The following PRR5L variants were observed in gnomAD, a reference collection of about 807,000 sequenced individuals.
PRR5L encodes the protein proline rich 5 like.
A neutral mutation model predicts 36.4 loss-of-function variants in PRR5L; 21 were observed. The observed-to-expected ratio is 0.58, with a 90% CI of 0.41 to 0.83. PRR5L has a LOEUF of 0.83. Among genes scored for constraint, PRR5L ranks in the 40% least tolerant of loss-of-function variants. The pLI is 0.00. For synonymous variants in PRR5L, 188 were observed against 197.0 expected (o/e 0.95, Z 0.38); for missense variants, 381 against 473.3 (o/e 0.80, Z 1.81).
At chr11:36,457,774 TC>T (rs1859094978) in intron 8 of PRR5L, among the ~76,000 whole-genome samples, 1 of 152,136 alleles carries the variant, frequency 6.6e-6, no homozygotes, top group South Asian at 2.1e-4. Flanking sequence ...AAGCAAATGC[TC>T]CCTAAACAGG....
At chr11:36,442,355 T>TA (rs1323457984) in intron 6 of PRR5L, among the ~76,000 whole-genome samples, 1 of 151,774 alleles carries the variant, frequency 6.6e-6, no homozygotes, top group Admixed American at 6.6e-5. Flanking sequence ...ATTTTTTTTT[T>TA]TTTCGAGACA....
rs773716071 is a variant in PRR5L at position 36,451,320 on chromosome 11, C to T, written c.697C>T (p.Pro233Ser). Residue 233 changes from proline to serine, a missense_variant, in exon 8 of 9, where the codon CCC (proline) becomes TCC (serine). Physicochemically the swap from Pro to Ser is moderately conservative, Grantham distance 74. Coordinates refer to ENST00000530639, the MANE Select transcript of PRR5L (RefSeq NM_001160167.2). ...CAGCGGGGACCGTAGCTTCTCAGGC[C>T]CCACGTACACGCTGGGTAAGGAGTG... ...GISGDRSFSGPTYTLARRHSR... is the reference protein window; with the variant it reads ...GISGDRSFSGSTYTLARRHSR... 2 of 1,614,106 alleles carry T rather than the reference C, an allele frequency of 1.2e-6. No individual in the cohort carries two copies. Among genetic ancestry groups the T allele is most frequent in the Non-Finnish European group, 1.7e-6 (2 of 1,180,012 alleles).
At chr11:36,388,849 C>A (rs966069209) in intron 1 of PRR5L, among the ~76,000 whole-genome samples, 9 of 152,152 alleles carry the variant, frequency 5.9e-5, no homozygotes, top group Non-Finnish European at 1.0e-4. Context: ...CAGGCGCCCG[C>A]CACCAAGCCC....
At chr11:36,351,340 AT>A (rs1856945468) in intron 1 of PRR5L, among the ~76,000 whole-genome samples, 1 of 70,826 alleles carries the variant, frequency 1.4e-5, no homozygotes, top group Non-Finnish European at 2.4e-5. Context: ...ATATATATTT[AT>A]AATATATAAT....
At chr11:36,358,957 T>G (rs1430290649) in intron 1 of PRR5L, among the ~76,000 whole-genome samples, 2 of 152,240 alleles carry the variant, frequency 1.3e-5, no homozygotes, top group Non-Finnish European at 1.5e-5. Flanking sequence ...TGACAATCCC[T>G]GATACATCAG....
At chr11:36,346,921 A>G (rs1449995075) in intron 1 of PRR5L, among the ~76,000 whole-genome samples, 1 of 152,242 alleles carries the variant, frequency 6.6e-6, no homozygotes, top group Non-Finnish European at 1.5e-5. Flanking sequence ...TTGTAGTGCA[A>G]AAACAGCTAT....
chr11:36,391,188 T>C (rs1043042968), intron 1 of PRR5L, among the ~76,000 whole-genome samples: 5 of 152,224 alleles, frequency 3.3e-5, no homozygotes, highest in Non-Finnish European at 7.3e-5. Context: ...CTCAGAGTTA[T>C]TATAAGCCAC....
At chr11:36,325,056 A>G (rs1027261057) in intron 1 of PRR5L, among the ~76,000 whole-genome samples, 1 of 152,152 alleles carries the variant, frequency 6.6e-6, no homozygotes, top group Non-Finnish European at 1.5e-5. Context: ...CGCTTCCAAC[A>G]TGGTGGCAAG....
At chr11:36,318,586 T>C (rs1304630655) in intron 1 of PRR5L, among the ~76,000 whole-genome samples, 2 of 152,214 alleles carry the variant, frequency 1.3e-5, no homozygotes, top group African/African-American at 2.4e-5. Context: ...TTTAATCTAT[T>C]TGCTTGTCTA....
At chr11:36,455,083 T>C (rs997828707) in intron 8 of PRR5L, among the ~76,000 whole-genome samples, 8 of 152,200 alleles carry the variant, frequency 5.3e-5, no homozygotes, top group Non-Finnish European at 8.8e-5. Context: ...ACAAAGGCCC[T>C]GGCCTCCCAC....
Position 36,419,235 on chromosome 11 carries a change from C to T in PRR5L, c.246-20C>T, listed in dbSNP as rs1858212941. 5.0e-6 allele frequency: 8 copies of T among 1,613,268 alleles called. No individual in the cohort carries two copies. Among genetic ancestry groups the T allele is most frequent in the Non-Finnish European group, 6.8e-6 (8 of 1,179,238 alleles). ...CATCAAGGGCTGCTTGACGGTGTTT[C>T]TCTTCTCCCTTCTCCCCAGGCGGCT... On this transcript the variant is annotated intron_variant, in intron 3 of 8. Coordinates refer to ENST00000530639, the MANE Select transcript of PRR5L (RefSeq NM_001160167.2).
At chr11:36,341,250 G>A (rs1454824300) in intron 1 of PRR5L, among the ~76,000 whole-genome samples, 1 of 152,150 alleles carries the variant, frequency 6.6e-6, no homozygotes, top group Non-Finnish European at 1.5e-5. Flanking sequence ...TACTTGCCTG[G>A]CAGCCATGGG....
chr11:36,381,669 GC>G (rs887119920), intron 1 of PRR5L: 5 of 152,094 alleles, frequency 3.3e-5, no homozygotes, highest in African/African-American at 7.2e-5. Context: ...ATCGACTGCT[GC>G]CATCATTTTG....
chr11:36,380,952 G>C (rs1273655287), intron 1 of PRR5L, among the ~76,000 whole-genome samples: 1 of 152,132 alleles, frequency 6.6e-6, no homozygotes, highest in Non-Finnish European at 1.5e-5. Context: ...CGTGGCCTAC[G>C]GGAAGACCTT....
At chr11:36,384,966 C>A (rs1235731280) in intron 1 of PRR5L, among the ~76,000 whole-genome samples, 1 of 152,104 alleles carries the variant, frequency 6.6e-6, no homozygotes, top group Admixed American at 6.6e-5. Context: ...GCACTGCACC[C>A]AGCCTTATCT....
chr11:36,429,160 G>A (rs1227237471), intron 4 of PRR5L, among the ~76,000 whole-genome samples: 1 of 152,164 alleles, frequency 6.6e-6, no homozygotes, highest in Non-Finnish European at 1.5e-5. Flanking sequence ...TATGGACAAT[G>A]TAATTTTCAA....
intron 2 of PRR5L, among the ~76,000 whole-genome samples, chr11:36,402,210 C>T (rs1857811208): frequency 6.6e-6 from 1 of 152,154 alleles, no homozygotes; most frequent in African/African-American, 2.4e-5. Context: ...TGAAGCATGA[C>T]TGAATTCTTT....
At chr11:36,296,862 C>A (rs1268118229) in intron 1 of PRR5L, among the ~76,000 whole-genome samples, 6 of 152,100 alleles carry the variant, frequency 3.9e-5, no homozygotes, top group Admixed American at 3.9e-4. Flanking sequence ...TCTTTCAAAC[C>A]CAGGGAGTCG....
intron 5 of PRR5L, among the ~76,000 whole-genome samples, chr11:36,433,844 T>C (rs945273722): frequency 2.0e-5 from 3 of 152,194 alleles, no homozygotes; most frequent in African/African-American, 7.2e-5. Context: ...TGCCCAGCCC[T>C]CTTTTGCATT....
Sources: allele counts gnomAD v4.1 joint callset (sites outside exome capture counted in the v4.1 genomes callset), GRCh38; gene constraint gnomAD v4.1.1; transcripts MANE v1.5; gene names NCBI Gene and HGNC (gene_info 2026-07-23, HGNC 2026-07-21).